The following NME7 variants were observed in gnomAD, a reference collection of about 807,000 sequenced individuals.
NME7 encodes NME/NM23 family member 7.
A neutral mutation model predicts 49.1 loss-of-function variants in NME7; 41 were observed. The ratio of observed to expected loss-of-function variants is 0.83; its 90% CI spans 0.65 to 1.08. The LOEUF (loss-of-function observed/expected upper bound fraction) is 1.08. NME7 is among the 50% of genes least tolerant of loss of function. The pLI, the probability that NME7 is intolerant of heterozygous loss-of-function variation, is 0.00. For missense variants in NME7, 423 were observed against 463.4 expected, an observed-to-expected ratio of 0.91 and a Z score of 0.80; for synonymous variants, 139 against 150.6, an observed-to-expected ratio of 0.92 and a Z score of 0.56.
chr1:169,176,140 G>T lies in NME7; in HGVS notation c.991-6586C>A, dbSNP rs188222855. On this transcript the variant is annotated intron_variant, in intron 10 of 11. Transcript: ENST00000367811. Reference sequence around the variant, plus strand: ...TACAGTTATGCAGTTTTATATTCCTGGGAGATAAGCAATGTCAGATGAATT... The same window carrying T: ...TACAGTTATGCAGTTTTATATTCCTTGGAGATAAGCAATGTCAGATGAATT... 2.0e-5 allele frequency among the ~76,000 whole-genome samples: 3 copies of T among 152,140 alleles called. No individual in the cohort carries two copies. The East Asian group carries it at 5.8e-4, about 29-fold the overall frequency.
chr1:169,278,563 TTGGTTATTC>T (rs1221506640), intron 7 of NME7, among the ~76,000 whole-genome samples: 1 of 152,180 alleles, frequency 6.6e-6, no homozygotes, highest in Non-Finnish European at 1.5e-5. Context: ...CTTCTCTGTA[TTGGTTATTC>T]TAGTTATACA....
intron 7 of NME7, among the ~76,000 whole-genome samples, chr1:169,249,239 C>T (rs1648458620): frequency 6.6e-6 from 1 of 151,390 alleles, no homozygotes; most frequent in African/African-American, 2.4e-5. Context: ...TTATTTTTTT[C>T]CAGCTGTTGT....
At chr1:169,323,033 G>A in intron 3 of NME7, 84 bp downstream of exon 3, 1 of 1,135,754 alleles carries the variant, frequency 8.8e-7, no homozygotes, top group East Asian at 2.8e-5. Context: ...ATCCTCATAT[G>A]GTTACATACT....
At chr1:169,366,760 C>A (rs1653876610) in intron 1 of NME7, among the ~76,000 whole-genome samples, 1 of 152,004 alleles carries the variant, frequency 6.6e-6, no homozygotes, top group South Asian at 2.1e-4. Flanking sequence ...ATGAAGAGGG[C>A]AAAAGACAGG....
chr1:169,324,284 A>G (rs1651966968), intron 2 of NME7, 109 bp downstream of exon 2: 1 of 599,568 alleles, frequency 1.7e-6, no homozygotes, highest in Admixed American at 3.0e-5. Flanking sequence ...ATGTATATAT[A>G]CACACACACA....
intron 10 of NME7, among the ~76,000 whole-genome samples, chr1:169,192,585 A>C (rs2101765484): frequency 6.6e-6 from 1 of 152,274 alleles, no homozygotes; most frequent in East Asian, 1.9e-4. Context: ...AATACCGAGG[A>C]GTACTTTACT....
rs1284700604 is a variant in NME7, at chr1:169,132,592, G to A, written c.*193C>T. 2.0e-6 allele frequency: 1 copy of A among 511,668 alleles called. No individual in the cohort carries two copies. 31.7% of individuals were successfully genotyped at this position (511,668 alleles called of 1,614,324 possible). ...AAAGCAATGCAGTACCCCATAGACT[G>A]GTGTTAAATGTTGTCTACAGTGCAA... On this transcript the variant is annotated 3_prime_UTR_variant, in exon 12 of 12. Coordinates refer to ENST00000367811, the MANE Select transcript of NME7 (RefSeq NM_013330.5).
rs71121749 is a variant in NME7 at position 169,258,375 on chromosome 1, C to CATATATAT, written c.755-20696_755-20689dup. Among the ~76,000 whole-genome samples the CATATATAT allele has an allele frequency of 4.9e-3, 424 of 86,658 alleles. 6 individuals carry two copies. The highest frequency in any genetic ancestry group is 0.011 in the African/African-American group (262 of 24,158). 56.9% of individuals were successfully genotyped at this position (86,658 alleles called of 152,430 possible). On this transcript the variant is annotated intron_variant, in intron 7 of 11. Coordinates refer to ENST00000367811, the MANE Select transcript of NME7 (RefSeq NM_013330.5). ...AAAAATAAAATAAAATAAAATAAAA[C>CATATATAT]ATATATATATATATATATATATATA... is the stretch of plus-strand genomic sequence containing the variant.
Position 169,306,510 on chromosome 1 carries a change from T to C in NME7, c.390-3315A>G, listed in dbSNP as rs80334420. On this transcript the variant is annotated intron_variant, in intron 4 of 11. Coordinates refer to ENST00000367811, the MANE Select transcript of NME7 (RefSeq NM_013330.5). ...ATAGGAATTATAAGGAGAGAATTGC[T>C]CCCAGAGATATACAGAAAGCAGAAG... Among the ~76,000 whole-genome samples, 658 of 152,216 alleles carry C rather than the reference T, an allele frequency of 4.3e-3. 5 individuals carry two copies. The highest frequency in any genetic ancestry group is 0.015 in the African/African-American group (618 of 41,518).
intron 1 of NME7, among the ~76,000 whole-genome samples, chr1:169,367,201 G>C (rs1438214575): frequency 2.0e-5 from 3 of 152,036 alleles, no homozygotes; most frequent in Non-Finnish European, 4.4e-5. Context: ...CACAGACCTA[G>C]AAGGTAACCA....
At chr1:169,158,692 G>T (rs539563271) in intron 11 of NME7, among the ~76,000 whole-genome samples, 10 of 152,140 alleles carry the variant, frequency 6.6e-5, no homozygotes, top group Non-Finnish European at 1.2e-4. Context: ...AATTTCATGG[G>T]CATCAGAAGC....
chr1:169,364,198 T>A (rs1184335349), intron 1 of NME7, among the ~76,000 whole-genome samples: 2 of 152,186 alleles, frequency 1.3e-5, no homozygotes, highest in Non-Finnish European at 2.9e-5. Context: ...GTGAACAACA[T>A]AAGCATGAAT....
At chr1:169,352,628 T>A (rs1557835941) in intron 1 of NME7, among the ~76,000 whole-genome samples, 1 of 152,048 alleles carries the variant, frequency 6.6e-6, no homozygotes, top group Non-Finnish European at 1.5e-5. Context: ...AGTCAAAGAA[T>A]CTTTGTTTGC....
At chr1:169,159,887 AC>A (rs1268045967) in intron 11 of NME7, among the ~76,000 whole-genome samples, 4 of 152,140 alleles carry the variant, frequency 2.6e-5, no homozygotes, top group Non-Finnish European at 5.9e-5. Context: ...TTTGTGAAAG[AC>A]TTCAGAATTT....
chr1:169,296,526 C>T (rs1215212133), intron 6 of NME7, among the ~76,000 whole-genome samples: 1 of 151,926 alleles, frequency 6.6e-6, no homozygotes, highest in African/African-American at 2.4e-5. Flanking sequence ...CTATCTATAC[C>T]TTCTCCTTGG....
intron 10 of NME7, among the ~76,000 whole-genome samples, chr1:169,187,172 A>G (rs1240448572): frequency 6.6e-6 from 1 of 152,020 alleles, no homozygotes; most frequent in Non-Finnish European, 1.5e-5. Context: ...TGTTTTATGT[A>G]TAACTATGTG....
Position 169,336,292 on chromosome 1 carries a change from AT to A in NME7, c.4-11793del, listed in dbSNP as rs575203920. On this transcript the variant is annotated intron_variant, in intron 1 of 11. Transcript: ENST00000367811. ...CAAAGAGTGAGCAGTAGCAAGATTT[AT>A]TGCAAAGAGCGAAAGAACAAAGCTT... Among the ~76,000 whole-genome samples, 20 of 151,730 alleles carry A rather than the reference AT, an allele frequency of 1.3e-4. No homozygotes were observed. The East Asian group carries it at 3.9e-3, about 29-fold the overall frequency.
At chr1:169,251,850 G>A (rs963632047) in intron 7 of NME7, among the ~76,000 whole-genome samples, 4 of 151,514 alleles carry the variant, frequency 2.6e-5, no homozygotes, top group Non-Finnish European at 5.9e-5. Context: ...TGAGAATGAT[G>A]TTTTCCAGTT....
intron 6 of NME7, among the ~76,000 whole-genome samples, chr1:169,291,507 T>TG (rs1452370003): frequency 1.3e-5 from 2 of 151,228 alleles, no homozygotes; most frequent in Admixed American, 1.3e-4. Context: ...TGTTGCGGGG[T>TG]GGGGGGCTAG....
Sources: gnomAD v4.1 joint callset for allele counts (sites outside exome capture counted in the v4.1 genomes callset) on GRCh38, gnomAD v4.1.1 for gene constraint, MANE v1.5 for transcripts, NCBI Gene and HGNC (gene_info 2026-07-23, HGNC 2026-07-21) for gene names.